The following TLK2 variants were observed in gnomAD, a reference collection of about 807,000 sequenced individuals.
The protein encoded by TLK2 is serine/threonine-protein kinase tousled-like 2.
In TLK2, 6 loss-of-function variants were observed where a neutral mutation model predicts 117.3. That is an observed-to-expected ratio of 0.05 (90% CI 0.03 to 0.10). TLK2 has a LOEUF of 0.10. TLK2 is among the 10% of genes least tolerant of loss of function. The pLI is 1.00. For missense variants in TLK2, 299 were observed against 901.2 expected (o/e 0.33, Z 8.56); for synonymous variants, 257 against 316.7 (o/e 0.81, Z 2.00).
intron 2 of TLK2, among the ~76,000 whole-genome samples, chr17:62,493,736 T>A (rs1049155702): frequency 2.0e-5 from 3 of 152,196 alleles, no homozygotes; most frequent in African/African-American, 7.2e-5. Flanking sequence ...TAAGCTACCA[T>A]GTAACTTGGC....
chr17:62,503,137 G>T (rs1451334601), intron 2 of TLK2, among the ~76,000 whole-genome samples: 1 of 147,238 alleles, frequency 6.8e-6, no homozygotes, highest in Admixed American at 7.0e-5. Flanking sequence ...TTGGCTCACG[G>T]CAAGCTCCGC....
intron 20 of TLK2, among the ~76,000 whole-genome samples, chr17:62,607,643 C>T (rs568725212): frequency 5.3e-5 from 8 of 152,274 alleles, no homozygotes; most frequent in Non-Finnish European, 4.4e-5. Context: ...TCCTTTCCTT[C>T]TCTTTTTCTG....
intron 9 of TLK2, among the ~76,000 whole-genome samples, chr17:62,555,343 A>G (rs1168097025): frequency 6.6e-6 from 1 of 152,112 alleles, no homozygotes; most frequent in Non-Finnish European, 1.5e-5. Context: ...TTTTACTTGT[A>G]TTATATTTCT....
intron 11 of TLK2, among the ~76,000 whole-genome samples, chr17:62,565,999 A>G (rs1024126353): frequency 6.6e-6 from 1 of 152,234 alleles, no homozygotes; most frequent in Non-Finnish European, 1.5e-5. Flanking sequence ...GCCTGTGTGC[A>G]GCTTGGAATC....
chr17:62,604,299 G>A (rs186807387), intron 19 of TLK2, among the ~76,000 whole-genome samples: 58 of 152,042 alleles, frequency 3.8e-4, no homozygotes, highest in African/African-American at 1.2e-3. Flanking sequence ...GAGCCACCAC[G>A]CCTGGCTGAA....
At chr17:62,480,076 C>T (rs2071445776) in intron 1 of TLK2, among the ~76,000 whole-genome samples, 1 of 152,348 alleles carries the variant, frequency 6.6e-6, no homozygotes, top group Non-Finnish European at 1.5e-5. Flanking sequence ...TTCCCCTTTG[C>T]CCCAGGCTCT....
intron 7 of TLK2, among the ~76,000 whole-genome samples, chr17:62,549,139 A>G (rs1289633585): frequency 6.9e-6 from 1 of 145,138 alleles, no homozygotes; most frequent in African/African-American, 2.5e-5. Flanking sequence ...CACACCTGTA[A>G]TCCCAGCACT....
At chr17:62,508,370 A>G (rs978982049) in intron 2 of TLK2, 2 of 845,184 alleles carry the variant, frequency 2.4e-6, no homozygotes, top group African/African-American at 3.7e-5. Flanking sequence ...CATTTAATGT[A>G]CAAGAGTATG....
intron 17 of TLK2, among the ~76,000 whole-genome samples, chr17:62,596,932 C>T (rs2082521720): frequency 6.6e-6 from 1 of 152,146 alleles, no homozygotes; most frequent in Non-Finnish European, 1.5e-5. Flanking sequence ...TAGTGTTTGC[C>T]AGTTTCCGTG....
At chr17:62,543,462 A>G (rs1379414329) in intron 7 of TLK2, among the ~76,000 whole-genome samples, 2 of 152,220 alleles carry the variant, frequency 1.3e-5, no homozygotes, top group Admixed American at 6.5e-5. Context: ...TCCCCGCAGC[A>G]GTACATTCCA....
chr17:62,607,964 C>T, intron 20 of TLK2, 77 bp from the exon 21 acceptor site: 1 of 1,226,636 alleles, frequency 8.2e-7, no homozygotes, highest in East Asian at 2.4e-5. Context: ...TATCCTTTTC[C>T]TTCCCTGGGG....
In TLK2 at chr17:62,520,860, C is replaced by A. The variant is rs773812975; in HGVS notation, c.153+16C>A. 1.2e-6 allele frequency: 2 copies of A among 1,611,508 alleles called. No individual in the cohort carries two copies. Among genetic ancestry groups the A allele is most frequent in the Non-Finnish European group, 1.7e-6 (2 of 1,178,404 alleles). ...AGAAGTAGAGGTAAGAAGCTATGTT[C>A]ATGGCAGGACTTTTCATACTTGTAC... On this transcript the variant is annotated intron_variant, in intron 3 of 21. Transcript: ENST00000346027.
intron 2 of TLK2, among the ~76,000 whole-genome samples, chr17:62,494,292 A>G (rs1478295309): frequency 6.6e-6 from 1 of 152,168 alleles, no homozygotes. Context: ...CATGCTGGCC[A>G]GACTGGTCTT....
intron 19 of TLK2, among the ~76,000 whole-genome samples, chr17:62,604,728 G>A (rs998407105): frequency 2.6e-5 from 4 of 151,608 alleles, no homozygotes; most frequent in African/African-American, 9.7e-5. Context: ...GGCCAACATG[G>A]TGAAACCCCG....
At position 62,516,620 on chromosome 17, in the gene TLK2, G is replaced by A. The variant is rs554739728; in HGVS notation, c.82-4153G>A. The A allele has an allele frequency of 2.7e-4, 428 of 1,610,128 alleles. 6 individuals are homozygous for A. In the South Asian group the frequency reaches 4.6e-3, roughly 17 times the overall value. ...ACGTAGCCTCGGCACTTGAGAGACTGCATGGCCTTCATGACATGAAGGTTG... is the reference window on the plus strand; with the variant it reads ...ACGTAGCCTCGGCACTTGAGAGACTACATGGCCTTCATGACATGAAGGTTG... On this transcript the variant is annotated intron_variant, in intron 2 of 21. Transcript: ENST00000346027.
At chr17:62,590,975 G>A (rs2082033206) in intron 16 of TLK2, among the ~76,000 whole-genome samples, 1 of 152,214 alleles carries the variant, frequency 6.6e-6, no homozygotes. Context: ...ATCTGGGCAG[G>A]GCGTAGTGGT....
At chr17:62,546,304 C>T (rs1416809686) in intron 7 of TLK2, among the ~76,000 whole-genome samples, 2 of 148,828 alleles carry the variant, frequency 1.3e-5, no homozygotes, top group Non-Finnish European at 3.0e-5. Flanking sequence ...TGAGCCACTG[C>T]ACCCGGCTGA....
Position 62,530,919 on chromosome 17 carries a change from A to G in TLK2, c.364-5251A>G, listed in dbSNP as rs1484066780. Reference sequence around the variant, plus strand: ...TTTTTTTCTTTTAACACAATTGAGCAGTAATTCATTACCATGTTCTAACCC... The same window carrying G: ...TTTTTTTCTTTTAACACAATTGAGCGGTAATTCATTACCATGTTCTAACCC... On this transcript the variant is annotated intron_variant, in intron 6 of 21. Transcript: ENST00000346027. Among the ~76,000 whole-genome samples the G allele has an allele frequency of 2.0e-5, 3 of 152,266 alleles. No homozygotes were observed. In the East Asian group the frequency reaches 5.8e-4, roughly 29 times the overall value.
intron 20 of TLK2, 151 bp from the exon 21 acceptor site, chr17:62,607,890 A>C: frequency 1.6e-6 from 1 of 634,654 alleles, no homozygotes; most frequent in Non-Finnish European, 2.7e-6. Flanking sequence ...TTATCTATAA[A>C]GTGAGAGAAC....
Sources: allele counts gnomAD v4.1 joint callset (sites outside exome capture counted in the v4.1 genomes callset), GRCh38; gene constraint gnomAD v4.1.1; transcripts MANE v1.5; gene names NCBI Gene and HGNC (gene_info 2026-07-23, HGNC 2026-07-21).